Variants in OVCH2 observed in about 807,000 individuals in gnomAD.
OVCH2 encodes ovochymase-2.
A neutral mutation model predicts 73.7 loss-of-function variants in OVCH2; 88 were observed. The observed-to-expected ratio is 1.19, with a 90% CI of 1.01 to 1.43. The LOEUF (loss-of-function observed/expected upper bound fraction) is 1.43, where lower values mean the gene tolerates loss of function less well. Among genes scored for constraint, OVCH2 ranks in the 40% most tolerant of loss-of-function variants. OVCH2 has a pLI of 0.00. For missense variants in OVCH2, 706 were observed against 674.5 expected (o/e 1.05, Z -0.52); for synonymous variants, 265 against 234.5 (o/e 1.13, Z -1.19).
downstream of OVCH2, among the ~76,000 whole-genome samples, chr11:7,688,986 T>C (rs1040472521): frequency 1.3e-5 from 2 of 152,222 alleles, no homozygotes; most frequent in Admixed American, 6.5e-5. Flanking sequence ...AATATTCCAG[T>C]GTTGCTTTGA....
chr11:7,694,803 CTT>C (rs34314441), intron 12 of OVCH2, among the ~76,000 whole-genome samples: 73 of 108,360 alleles, frequency 6.7e-4, no homozygotes, highest in Middle Eastern at 5.8e-3. Context: ...TAAAGCGGCA[CTT>C]TTTTTTTTTT....
At position 7,691,764 on chromosome 11, in the gene OVCH2, G is replaced by T. The variant is rs896174028; in HGVS notation, c.1507+138C>A. On this transcript the variant is annotated intron_variant, in intron 13 of 15. Coordinates refer to ENST00000533663, the MANE Select transcript of OVCH2 (RefSeq NM_198185.7). ...CCTGCCCCTAATGAAGAAGACAAAG[G>T]AGTGATGGTGAGACCACAGGGAGGG... 4 of 648,980 alleles carry T rather than the reference G, an allele frequency of 6.2e-6. No homozygotes were observed. In the East Asian group the frequency reaches 8.3e-5, roughly 13 times the overall value. 40.2% of individuals were successfully genotyped at this position (648,980 alleles called of 1,614,324 possible).
At chr11:7,684,780 C>A (rs1264303794), downstream of OVCH2, among the ~76,000 whole-genome samples, 1 of 151,934 alleles carries the variant, frequency 6.6e-6, no homozygotes, top group East Asian at 1.9e-4. Context: ...AGTCTATTTG[C>A]CTAGTGCTGA....
rs948188121 is a variant in OVCH2, at chr11:7,701,319, C to T, written c.711+5G>A. 4.4e-6 allele frequency: 7 copies of T among 1,608,046 alleles called. No individual in the cohort carries two copies. In the East Asian group the frequency reaches 1.3e-4, roughly 31 times the overall value. On this transcript the variant is annotated splice_donor_5th_base_variant and intron_variant, in intron 6 of 15. Coordinates refer to ENST00000533663, the MANE Select transcript of OVCH2 (RefSeq NM_198185.7). ...GGGCCTGACAGCCCCGCAGCTCCCA[C>T]CCACCTGACATGCGTCTCTCCCTCC...
At position 7,696,445 on chromosome 11, in the gene OVCH2, C is replaced by T; in HGVS notation, c.1141+20G>A. ...CCACTTGGCACTGGTTTCCATTTGA[C>T]ACTGTGAAAATCCACTCACCAATGG... On this transcript the variant is annotated intron_variant, in intron 10 of 15. Coordinates refer to ENST00000533663, the MANE Select transcript of OVCH2 (RefSeq NM_198185.7). 6.2e-7 allele frequency: 1 copy of T among 1,613,736 alleles called. No homozygotes were observed. The highest frequency in any genetic ancestry group is 8.5e-7 in the Non-Finnish European group (1 of 1,179,774).
At chr11:7,701,221 T>G in intron 6 of OVCH2, 103 bp downstream of exon 6, 1 of 1,386,628 alleles carries the variant, frequency 7.2e-7, no homozygotes, top group Non-Finnish European at 9.6e-7. Flanking sequence ...TCCAATATGC[T>G]TTCTAATTAA....
chr11:7,693,472 G>C (rs1329886675), intron 12 of OVCH2, among the ~76,000 whole-genome samples: 3 of 152,174 alleles, frequency 2.0e-5, no homozygotes, highest in Non-Finnish European at 4.4e-5. Context: ...CACTGGCAGA[G>C]TATGAGAGCA....
chr11:7,687,161 G>T (rs1311209860), downstream of OVCH2, among the ~76,000 whole-genome samples: 1 of 151,872 alleles, frequency 6.6e-6, no homozygotes, highest in East Asian at 1.9e-4. Context: ...TATTTTCAGG[G>T]GATATATTTC....
At chr11:7,690,641 A>C (rs10839842) in intron 14 of OVCH2, among the ~76,000 whole-genome samples, 76,751 of 151,738 alleles carry the variant, frequency 0.51, 21,632 homozygotes, top group Non-Finnish European at 0.63. Context: ...ATTCATAGGC[A>C]TGTGAAGAGT....
the OVCH2 span, among the ~76,000 whole-genome samples, chr11:7,680,955 G>T: frequency 2.0e-5 from 3 of 152,168 alleles, no homozygotes; most frequent in African/African-American, 7.2e-5. Flanking sequence ...TCATTGCTTT[G>T]ATTGTGGGCC....
Position 7,701,802 on chromosome 11 carries a change from A to C in OVCH2, c.473T>G (p.Val158Gly). 6.2e-7 allele frequency: 1 copy of C among 1,610,624 alleles called. No homozygotes were observed. Among genetic ancestry groups the C allele is most frequent in the Non-Finnish European group, 8.5e-7 (1 of 1,178,664 alleles). ...CAGCTCTGGAAGACATATGGGCCCC[A>C]CAAAGTGGCCTGAAGAAAAGAGCAA... is the stretch of plus-strand genomic sequence containing the variant. ...MAGAFQFGHFVGPICLPELRE... is the reference protein window; with the variant it reads ...MAGAFQFGHFGGPICLPELRE... Residue 158 changes from valine to glycine, a missense_variant, in exon 5 of 16, where the codon GTG becomes GGG. Coordinates refer to ENST00000533663, the MANE Select transcript of OVCH2 (RefSeq NM_198185.7).
intron 10 of OVCH2, 118 bp from the exon 11 acceptor site, chr11:7,695,828 C>T (rs571867120): frequency 3.3e-4 from 443 of 1,336,336 alleles, no homozygotes; most frequent in Non-Finnish European, 4.0e-4. Context: ...CAAAGTTTCT[C>T]AGTCTTGTCA....
chr11:7,700,107 C>A, intron 7 of OVCH2, 189 bp downstream of exon 7: 1 of 589,006 alleles, frequency 1.7e-6, no homozygotes, highest in South Asian at 2.5e-5. Context: ...TATCTGCATG[C>A]TGCTCCACAT....
intron 10 of OVCH2, among the ~76,000 whole-genome samples, chr11:7,696,212 A>C (rs1235363065): frequency 6.6e-6 from 1 of 152,162 alleles, no homozygotes; most frequent in Non-Finnish European, 1.5e-5. Flanking sequence ...TTCCTCATGG[A>C]CACCAGGTCT....
the OVCH2 span, among the ~76,000 whole-genome samples, chr11:7,680,999 A>G: frequency 6.6e-6 from 1 of 152,162 alleles, no homozygotes; most frequent in African/African-American, 2.4e-5. Context: ...ACCCAGTCAC[A>G]TCTTCAGCTC....
chr11:7,696,383 T>C, intron 10 of OVCH2, 82 bp downstream of exon 10: 1 of 1,552,552 alleles, frequency 6.4e-7, no homozygotes, highest in Non-Finnish European at 8.8e-7. Flanking sequence ...TACAGATGGC[T>C]GAGTGCCAGA....
At chr11:7,685,203 G>T (rs950791761), downstream of OVCH2, among the ~76,000 whole-genome samples, 2 of 152,128 alleles carry the variant, frequency 1.3e-5, no homozygotes, top group African/African-American at 2.4e-5. Context: ...AGGGCTGGAG[G>T]CTGAGCAGGG....
chr11:7,699,647 C>T (rs916680716), intron 7 of OVCH2: 5 of 152,136 alleles, frequency 3.3e-5, no homozygotes, highest in South Asian at 4.1e-4. Context: ...CTTGCAGATA[C>T]GGAGGCCTGG....
chr11:7,702,435 G>T, intron 3 of OVCH2, 106 bp from the exon 4 acceptor site: 2 of 856,852 alleles, frequency 2.3e-6, no homozygotes, highest in Non-Finnish European at 3.4e-6. Context: ...AAATAATATG[G>T]GGTGTGAGGC....
Sources: gnomAD v4.1 joint callset for allele counts (sites outside exome capture counted in the v4.1 genomes callset) on GRCh38, gnomAD v4.1.1 for gene constraint, MANE v1.5 for transcripts, NCBI Gene and HGNC (gene_info 2026-07-23, HGNC 2026-07-21) for gene names.